The following SYT9 variants were observed in gnomAD, a reference collection of about 807,000 sequenced individuals.
SYT9 encodes synaptotagmin-9.
SYT9 carries 22 observed loss-of-function variants against 48.4 expected under a neutral mutation model. That is an observed-to-expected ratio of 0.45 (90% CI 0.32 to 0.65). The LOEUF (loss-of-function observed/expected upper bound fraction) is 0.65, where lower values mean the gene tolerates loss of function less well. SYT9 is among the 30% of genes least tolerant of loss of function. SYT9 has a pLI of 0.03. For synonymous variants in SYT9, 265 were observed against 245.0 expected (o/e 1.08, Z -0.76); for missense variants, 577 against 622.0 (o/e 0.93, Z 0.77).
chr11:7,264,345 G>A (rs1192275543), intron 1 of SYT9, among the ~76,000 whole-genome samples: 1 of 152,092 alleles, frequency 6.6e-6, no homozygotes, highest in Non-Finnish European at 1.5e-5. Flanking sequence ...ATCAGCATAG[G>A]TGTGTGTGTT....
chr11:7,369,843 A>T (rs1850329989), intron 3 of SYT9, among the ~76,000 whole-genome samples: 3 of 150,636 alleles, frequency 2.0e-5, no homozygotes, highest in Non-Finnish European at 3.0e-5. Flanking sequence ...CATAAATTCA[A>T]CACATAAATT....
chr11:7,406,454 G>A (rs533305871), intron 3 of SYT9, among the ~76,000 whole-genome samples: 17 of 150,574 alleles, frequency 1.1e-4, no homozygotes, highest in Admixed American at 9.9e-4. Context: ...TTCACTTAAC[G>A]TAATGACCTC....
At chr11:7,406,545 T>C (rs1297136471) in intron 3 of SYT9, among the ~76,000 whole-genome samples, 9 of 139,062 alleles carry the variant, frequency 6.5e-5, no homozygotes, top group African/African-American at 1.9e-4. Flanking sequence ...CATATATATA[T>C]ATATATATAT....
intron 3 of SYT9, among the ~76,000 whole-genome samples, chr11:7,360,463 A>G (rs1197391271): frequency 6.6e-6 from 1 of 152,094 alleles, no homozygotes; most frequent in African/African-American, 2.4e-5. Flanking sequence ...TTTTCACGAT[A>G]TTGATTCTTC....
intron 3 of SYT9, among the ~76,000 whole-genome samples, chr11:7,349,693 A>G (rs2134001503): frequency 6.6e-6 from 1 of 152,312 alleles, no homozygotes; most frequent in East Asian, 1.9e-4. Flanking sequence ...TGTGTTTTCC[A>G]CTTAATTTTC....
chr11:7,453,232 T>C (rs1432220310), intron 6 of SYT9, among the ~76,000 whole-genome samples: 2 of 152,044 alleles, frequency 1.3e-5, no homozygotes, highest in African/African-American at 4.8e-5. Flanking sequence ...TCTTTACAAA[T>C]ATAACAAAAA....
At chr11:7,449,646 G>A (rs896898023) in intron 6 of SYT9, among the ~76,000 whole-genome samples, 2 of 152,116 alleles carry the variant, frequency 1.3e-5, no homozygotes, top group African/African-American at 4.8e-5. Context: ...AAAGCAACTG[G>A]ACTGGGGGTG....
In SYT9 at chr11:7,301,501, A is replaced by G. The variant is rs150010326; in HGVS notation, c.146-1538A>G. On this transcript the variant is annotated intron_variant, in intron 1 of 6. Coordinates refer to ENST00000318881, the MANE Select transcript of SYT9 (RefSeq NM_175733.4). ...CAGAAATACAGCTTTGTCACAGATC[A>G]TAGTATGTTGGCAGTGCTGTGCATA... 5.5e-3 allele frequency among the ~76,000 whole-genome samples: 841 copies of G among 152,302 alleles called. 11 individuals carry two copies. The highest frequency in any genetic ancestry group is 0.019 in the African/African-American group (802 of 41,554).
At chr11:7,417,825 C>A (rs999041308) in intron 4 of SYT9, 132 bp from the exon 5 acceptor site, 14 of 821,058 alleles carry the variant, frequency 1.7e-5, no homozygotes, top group Non-Finnish European at 2.2e-5. Context: ...TAATGACAGT[C>A]CTCCAACTCC....
At chr11:7,346,193 C>A (rs1344516369) in intron 3 of SYT9, among the ~76,000 whole-genome samples, 2 of 152,118 alleles carry the variant, frequency 1.3e-5, no homozygotes, top group African/African-American at 4.8e-5. Flanking sequence ...TTAAATAGCT[C>A]CGTGGCACAT....
chr11:7,356,208 G>A lies in SYT9; in HGVS notation c.1044+42267G>A, dbSNP rs146269532. On this transcript the variant is annotated intron_variant, in intron 3 of 6. Coordinates refer to ENST00000318881, the MANE Select transcript of SYT9 (RefSeq NM_175733.4). ...ATCCCATCAAAGGATGGAAGAAGCAGTTCCAAGAAGCTAATTGGAAAGACT... is the reference window on the plus strand; with the variant it reads ...ATCCCATCAAAGGATGGAAGAAGCAATTCCAAGAAGCTAATTGGAAAGACT... Among the ~76,000 whole-genome samples the A allele has an allele frequency of 2.0e-5, 3 of 152,324 alleles. No individual in the cohort carries two copies. In the East Asian group the frequency reaches 5.8e-4, roughly 29 times the overall value.
chr11:7,310,353 C>T (rs902645697), intron 2 of SYT9, among the ~76,000 whole-genome samples: 1 of 151,302 alleles, frequency 6.6e-6, no homozygotes, highest in African/African-American at 2.4e-5. Context: ...AGGCTGGTCT[C>T]GAACTCCTGA....
chr11:7,433,267 C>T (rs1847644979), intron 6 of SYT9, among the ~76,000 whole-genome samples: 1 of 152,140 alleles, frequency 6.6e-6, no homozygotes, highest in African/African-American at 2.4e-5. Flanking sequence ...AACTGTGAAC[C>T]AATTAATCTG....
At chr11:7,301,573 A>G (rs1438640865) in intron 1 of SYT9, among the ~76,000 whole-genome samples, 1 of 152,216 alleles carries the variant, frequency 6.6e-6, no homozygotes, top group Non-Finnish European at 1.5e-5. Flanking sequence ...GTCATTTACT[A>G]ATTTCTAATT....
intron 3 of SYT9, among the ~76,000 whole-genome samples, chr11:7,415,415 G>A (rs1402542590): frequency 6.6e-6 from 1 of 152,160 alleles, no homozygotes; most frequent in East Asian, 1.9e-4. Context: ...GCTGAGCTCT[G>A]TGGCATGGGG....
intron 1 of SYT9, among the ~76,000 whole-genome samples, chr11:7,272,216 C>G (rs571491376): frequency 1.3e-5 from 2 of 152,236 alleles, no homozygotes; most frequent in South Asian, 4.1e-4. Flanking sequence ...AAGGTCATGA[C>G]TTTGGGACAC....
intron 6 of SYT9, among the ~76,000 whole-genome samples, chr11:7,458,817 T>G (rs1015296871): frequency 6.6e-6 from 1 of 152,214 alleles, no homozygotes; most frequent in East Asian, 1.9e-4. Flanking sequence ...CTCAGGTAAC[T>G]GGAACCCAGT....
chr11:7,445,422 T>C (rs1847908465), intron 6 of SYT9, among the ~76,000 whole-genome samples: 1 of 152,116 alleles, frequency 6.6e-6, no homozygotes, highest in Non-Finnish European at 1.5e-5. Context: ...TGACCTTGAC[T>C]TCCCTTGGGG....
chr11:7,251,132 A>ACACACACACACACACC (rs146134507), upstream of SYT9, among the ~76,000 whole-genome samples: 22 of 127,958 alleles, frequency 1.7e-4, no homozygotes, highest in African/African-American at 5.4e-4. Flanking sequence ...ACACACACAC[A>ACACACACACACACACC]CCCAGAGTAC....
Sources: gnomAD v4.1 joint callset for allele counts (sites outside exome capture counted in the v4.1 genomes callset) on GRCh38, gnomAD v4.1.1 for gene constraint, MANE v1.5 for transcripts, NCBI Gene and HGNC (gene_info 2026-07-23, HGNC 2026-07-21) for gene names.